CPLANE1: variants seen among roughly 807,000 people sequenced by gnomAD.
CPLANE1 encodes ciliogenesis and planar polarity effector 1.
In CPLANE1, 263 loss-of-function variants were observed where a neutral mutation model predicts 362.5. The observed-to-expected ratio is 0.73, with a 90% confidence interval of 0.66 to 0.80. The LOEUF is 0.80. Among genes scored for constraint, CPLANE1 ranks in the 30% least tolerant of loss-of-function variants. CPLANE1 has a pLI of 0.00. For missense variants in CPLANE1, 3,461 were observed against 3,793.4 expected (o/e 0.91, Z 2.30); for synonymous variants, 1,212 against 1,302.6 (o/e 0.93, Z 1.50).
In CPLANE1 at chr5:37,157,596, TG is replaced by T. The variant is rs1481231719; in HGVS notation, c.8011+73del. The stretch of plus-strand genomic sequence containing the variant: ...GGTTTGTAGGAGGAGAGGTAAGAGA[TG>T]TGAGTAGGGATAACAATGCTATATT... On this transcript the variant is annotated intron_variant, in intron 40 of 52. Coordinates refer to ENST00000651892, the MANE Select transcript of CPLANE1 (RefSeq NM_001384732.1). The T allele has an allele frequency of 3.1e-5, 41 of 1,302,620 alleles. 1 individual carries two copies. In the East Asian group the frequency reaches 9.4e-4, roughly 30 times the overall value. The allele number at this position is 1,302,620 out of a possible 1,614,324, so 80.7% of individuals were successfully genotyped here.
chr5:37,214,669 G>A (rs1299260076), intron 15 of CPLANE1, among the ~76,000 whole-genome samples: 1 of 152,196 alleles, frequency 6.6e-6, no homozygotes, highest in Admixed American at 6.5e-5. Flanking sequence ...TTCAAGTGTT[G>A]CAAGTATTTG....
At chr5:37,147,971 C>CAAAAAAAAAAAAAA (rs11284644) in intron 43 of CPLANE1, among the ~76,000 whole-genome samples, 1 of 15,312 alleles carries the variant, frequency 6.5e-5, no homozygotes. Context: ...ACTGCCTTCT[C>CAAAAAAAAAAAAAA]AAAAAAAAAA....
At chr5:37,173,084 G>A (rs910789266) in intron 32 of CPLANE1, among the ~76,000 whole-genome samples, 3 of 152,180 alleles carry the variant, frequency 2.0e-5, no homozygotes, top group African/African-American at 7.2e-5. Context: ...GGATATGGAA[G>A]TGAATGTAGG....
At chr5:37,185,396 T>C (rs965236164) in intron 24 of CPLANE1, among the ~76,000 whole-genome samples, 2 of 152,028 alleles carry the variant, frequency 1.3e-5, no homozygotes, top group Non-Finnish European at 2.9e-5. Flanking sequence ...GATAATTATA[T>C]TTAATAAAAA....
At chr5:37,075,819 A>ATACT in the CPLANE1 span, among the ~76,000 whole-genome samples, 30 of 152,274 alleles carry the variant, frequency 2.0e-4, no homozygotes, top group Middle Eastern at 0.01. Flanking sequence ...GGCAAGGCAG[A>ATACT]TACTTACTTA....
At chr5:37,208,001 T>A (rs988630956) in intron 16 of CPLANE1, among the ~76,000 whole-genome samples, 1 of 152,206 alleles carries the variant, frequency 6.6e-6, no homozygotes, top group Non-Finnish European at 1.5e-5. Flanking sequence ...TCATCCAAGC[T>A]GGAGTGTAAT....
intron 21 of CPLANE1, among the ~76,000 whole-genome samples, chr5:37,192,066 A>C (rs954241242): frequency 1.3e-5 from 2 of 152,190 alleles, no homozygotes; most frequent in African/African-American, 4.8e-5. Context: ...ATTCATGGTA[A>C]GTGACCCATA....
At chr5:37,140,996 T>G in intron 44 of CPLANE1, 1 of 985,474 alleles carries the variant, frequency 1.0e-6, no homozygotes, top group Non-Finnish European at 1.2e-6. Flanking sequence ...AGTTATACCT[T>G]TGCCTTAGAC....
chr5:37,177,736 T>C, intron 29 of CPLANE1, 36 bp from the exon 30 acceptor site: 1 of 1,486,164 alleles, frequency 6.7e-7, no homozygotes, highest in Non-Finnish European at 9.4e-7. Context: ...AGAAAACAGG[T>C]AAAACAAATA....
At chr5:37,196,301 A>C (rs1427948301) in intron 20 of CPLANE1, among the ~76,000 whole-genome samples, 1 of 152,206 alleles carries the variant, frequency 6.6e-6, no homozygotes, top group East Asian at 1.9e-4. Context: ...AAAATAAAGA[A>C]ATTTAAGAAT....
Position 37,170,210 on chromosome 5 carries a change from G to C in CPLANE1, c.6293C>G (p.Ser2098Ter). The C allele has an allele frequency of 6.2e-7, 1 of 1,614,106 alleles. No individual in the cohort carries two copies. Among genetic ancestry groups the C allele is most frequent in the Non-Finnish European group, 8.5e-7 (1 of 1,180,030 alleles). The change falls in exon 33 of 53, where the codon TCA becomes TGA. Residue 2098 changes from serine (S) to a stop codon, truncating the protein, a stop_gained. Transcript: ENST00000651892. LOFTEE classifies it high-confidence loss of function. The stretch of plus-strand genomic sequence containing the variant: ...AACATCACCACATCCTCTTAGGTTT[G>C]ATTCTTGGCTTTCCCCTAAATGCAC... ...QSVHLGESQE[S>*]NLRGCGDVED...
rs1782522651 is a variant in CPLANE1 at position 37,180,974 on chromosome 5, A to G, written c.5453T>C (p.Ile1818Thr). The change falls in exon 27 of 53, where the codon ATT becomes ACT. Residue 1818 changes from isoleucine to threonine, a missense_variant. By Grantham distance (89) the Ile-to-Thr change is moderately conservative. Coordinates refer to ENST00000651892, the MANE Select transcript of CPLANE1 (RefSeq NM_001384732.1). The stretch of plus-strand genomic sequence containing the variant: ...GCTCTCCCTCTCAATATTGGGTCCA[A>G]TCTGACACCCAGTGTCACGATTCTC... ...MVENRDTGCQ[I>T]GPNIERESKS... The G allele has an allele frequency of 1.9e-6, 3 of 1,613,894 alleles. No homozygotes were observed. The highest frequency in any genetic ancestry group is 2.2e-5 in the South Asian group (2 of 91,082).
intron 44 of CPLANE1, chr5:37,141,356 G>C (rs1372118932): frequency 2.0e-6 from 2 of 985,260 alleles, no homozygotes; most frequent in Admixed American, 6.2e-5. Flanking sequence ...CCAGAGAAGA[G>C]AAGAGAAAAG....
chr5:37,117,684 G>A (rs1327592023), intron 50 of CPLANE1, among the ~76,000 whole-genome samples: 1 of 152,138 alleles, frequency 6.6e-6, no homozygotes, highest in African/African-American at 2.4e-5. Flanking sequence ...CACAGATGAT[G>A]CCTTGAAGGC....
the CPLANE1 span, among the ~76,000 whole-genome samples, chr5:37,094,237 T>C: frequency 6.6e-6 from 1 of 152,184 alleles, no homozygotes; most frequent in East Asian, 1.9e-4. Context: ...TCATCTGTCA[T>C]TGAATCAGGG....
chr5:37,128,202 T>C (rs1764775887), intron 46 of CPLANE1, among the ~76,000 whole-genome samples: 1 of 152,212 alleles, frequency 6.6e-6, no homozygotes, highest in Non-Finnish European at 1.5e-5. Context: ...AGATGGGGTT[T>C]CCCTATGTTG....
At chr5:37,145,993 A>G (rs914542514) in intron 43 of CPLANE1, among the ~76,000 whole-genome samples, 3 of 152,234 alleles carry the variant, frequency 2.0e-5, no homozygotes, top group African/African-American at 7.2e-5. Context: ...ATTAAATGAC[A>G]TCACAGAGAC....
Position 37,170,355 on chromosome 5 carries a change from C to T in CPLANE1, c.6172-24G>A, listed in dbSNP as rs372426953. On this transcript the variant is annotated intron_variant, in intron 32 of 52. Transcript: ENST00000651892. ...AGCTTGAATAAAACAAAAATTGAAG[C>T]GATATCTTAAAATATAACAAAAAGA... 160 of 1,588,354 alleles carry T rather than the reference C, an allele frequency of 1.0e-4. 1 individual carries two copies. Among genetic ancestry groups the T allele is most frequent in the Non-Finnish European group, 1.6e-5 (19 of 1,166,216 alleles).
the CPLANE1 span, among the ~76,000 whole-genome samples, chr5:37,098,081 T>A: frequency 4.6e-5 from 7 of 151,944 alleles, no homozygotes; most frequent in African/African-American, 7.3e-5. Flanking sequence ...AATACAGTCA[T>A]ATTTGGGTAC....
Sources: gnomAD v4.1 joint callset for allele counts (sites outside exome capture counted in the v4.1 genomes callset) on GRCh38, gnomAD v4.1.1 for gene constraint, MANE v1.5 for transcripts, NCBI Gene and HGNC (gene_info 2026-07-23, HGNC 2026-07-21) for gene names.